The following COX7A2L variants were observed in gnomAD, a reference collection of about 807,000 sequenced individuals.
COX7A2L encodes cytochrome c oxidase subunit 7A2 like.
COX7A2L carries 18 observed loss-of-function variants against 14.2 expected under a neutral mutation model. The observed-to-expected ratio is 1.27, with a 90% CI of 0.88 to 1.88. COX7A2L has a LOEUF of 1.88. Among genes scored for constraint, COX7A2L ranks in the 40% most tolerant of loss-of-function variants. The pLI, the probability that COX7A2L is intolerant of heterozygous loss-of-function variation, is 0.00. For missense variants in COX7A2L, 179 were observed against 138.8 expected, an observed-to-expected ratio of 1.29 and a Z score of -1.46; for synonymous variants, 65 against 57.4, an observed-to-expected ratio of 1.13 and a Z score of -0.60.
At chr2:42,357,793 T>A (rs1171608335) in intron 1 of COX7A2L, among the ~76,000 whole-genome samples, 1 of 152,170 alleles carries the variant, frequency 6.6e-6, no homozygotes, top group Non-Finnish European at 1.5e-5. Flanking sequence ...ATCTGTCTCA[T>A]CTGAAAGGAC....
At chr2:42,340,774 G>A (rs1221255481) in intron 2 of COX7A2L, among the ~76,000 whole-genome samples, 1 of 152,196 alleles carries the variant, frequency 6.6e-6, no homozygotes, top group African/African-American at 2.4e-5. Context: ...CCTGCACTGG[G>A]CCGCTCCACT....
intron 1 of COX7A2L, chr2:42,359,359 C>G (rs1670941547): frequency 6.6e-6 from 1 of 152,200 alleles, no homozygotes; most frequent in African/African-American, 2.4e-5. Flanking sequence ...TACAAGGGAA[C>G]TTCCTGGGAT....
chr2:42,353,326 A>C lies in COX7A2L; in HGVS notation c.90T>G (p.Val30=), dbSNP rs768471861. Residue 30 remains valine, a synonymous_variant, in exon 2 of 3, where the codon GTT becomes GTG. Coordinates refer to ENST00000234301, the MANE Select transcript of COX7A2L (RefSeq NM_004718.4). Reference sequence around the variant, plus strand: ...ATATGATAGGTGGTGCTTCTGTGGAAACCACAGGCTTTAATCCCTGTAGAG... The same window carrying C: ...ATATGATAGGTGGTGCTTCTGTGGACACCACAGGCTTTAATCCCTGTAGAG... ...AYSPQGLKPV[V]STEAPPIIFA... The C allele has an allele frequency of 2.5e-6, 4 of 1,613,812 alleles. No homozygotes were observed. The highest frequency in any genetic ancestry group is 4.5e-5 in the East Asian group (2 of 44,898).
chr2:42,365,007 A>T (rs971014090), upstream of COX7A2L, among the ~76,000 whole-genome samples: 6 of 152,226 alleles, frequency 3.9e-5, no homozygotes, highest in African/African-American at 1.4e-4. Flanking sequence ...TTGACACATC[A>T]CATTTCATCT....
chr2:42,358,885 A>T (rs184513996), intron 1 of COX7A2L, among the ~76,000 whole-genome samples: 1 of 152,294 alleles, frequency 6.6e-6, no homozygotes, highest in Non-Finnish European at 1.5e-5. Context: ...AACCCCAGCC[A>T]CTCAGGGGGC....
At chr2:42,356,695 G>C (rs1010615105) in intron 1 of COX7A2L, among the ~76,000 whole-genome samples, 7 of 152,228 alleles carry the variant, frequency 4.6e-5, no homozygotes, top group Admixed American at 6.5e-5. Context: ...GGGAGGCTGA[G>C]GTGGGAGAAT....
upstream of COX7A2L, among the ~76,000 whole-genome samples, chr2:42,364,770 A>C (rs1046463128): frequency 2.0e-5 from 3 of 152,220 alleles, no homozygotes; most frequent in African/African-American, 7.2e-5. Context: ...TGAGGGTCTG[A>C]ATGGCTCATT....
chr2:42,354,042 C>T (rs542901386), intron 1 of COX7A2L, among the ~76,000 whole-genome samples: 2 of 152,032 alleles, frequency 1.3e-5, no homozygotes, highest in Non-Finnish European at 1.5e-5. Context: ...AAGAGGGAAC[C>T]GCAGAGACAG....
intron 1 of COX7A2L, among the ~76,000 whole-genome samples, chr2:42,366,628 G>A (rs1420356912): frequency 6.6e-6 from 1 of 152,184 alleles, no homozygotes; most frequent in African/African-American, 2.4e-5. Flanking sequence ...TAAATACCTG[G>A]AAGTCTATAT....
intron 2 of COX7A2L, among the ~76,000 whole-genome samples, chr2:42,341,921 A>G (rs1670409886): frequency 6.6e-6 from 1 of 152,136 alleles, no homozygotes; most frequent in Non-Finnish European, 1.5e-5. Flanking sequence ...ATCAAACACC[A>G]CTGAACTTTG....
chr2:42,353,060 T>G, intron 2 of COX7A2L, 152 bp downstream of exon 2: 1 of 916,520 alleles, frequency 1.1e-6, no homozygotes, highest in Non-Finnish European at 1.6e-6. Flanking sequence ...TAAAGTTCTA[T>G]TCGTTTATGG....
Position 42,340,881 on chromosome 2 carries a change from T to A in COX7A2L, c.193-7012A>T, listed in dbSNP as rs1040072646. 2.0e-5 allele frequency among the ~76,000 whole-genome samples: 3 copies of A among 152,138 alleles called. No individual in the cohort carries two copies. In the East Asian group the frequency reaches 5.8e-4, roughly 29 times the overall value. ...ACTGCGCAGCACACTGCAGAAGGAA[T>A]GATTTGTGCTTCAAGAGCTACTGAT... On this transcript the variant is annotated intron_variant, in intron 2 of 2. Coordinates refer to the COX7A2L transcript ENST00000468711.
chr2:42,363,002 G>A (rs370337488), upstream of COX7A2L, among the ~76,000 whole-genome samples: 39 of 151,662 alleles, frequency 2.6e-4, no homozygotes, highest in East Asian at 4.1e-3. Flanking sequence ...AGTCTCCCGG[G>A]TAGCTGGAAC....
chr2:42,340,392 G>T (rs1476621260), intron 2 of COX7A2L, among the ~76,000 whole-genome samples: 2 of 152,180 alleles, frequency 1.3e-5, no homozygotes, highest in South Asian at 2.1e-4. Flanking sequence ...ATTGTTGTAA[G>T]TCTTTTTCCT....
Position 42,361,203 on chromosome 2 carries a change from C to A in COX7A2L, c.-42G>T, listed in dbSNP as rs1434737668. The stretch of plus-strand genomic sequence containing the variant: ...CTTCCCGCATCCGCTGCCAACGCGA[C>A]CGCCCCAGAGAAGGACCCCGCCTCC... On this transcript the variant is annotated 5_prime_UTR_variant, in exon 1 of 3. Transcript: ENST00000234301. 6.4e-7 allele frequency: 1 copy of A among 1,561,328 alleles called. No homozygotes were observed.
chr2:42,368,729 A>T (rs1461209724), intron 1 of COX7A2L: 1 of 152,260 alleles, frequency 6.6e-6, no homozygotes, highest in Non-Finnish European at 1.5e-5. Flanking sequence ...TGCAGCAGTT[A>T]CTGTTATTAC....
chr2:42,341,204 G>C (rs529475367), intron 2 of COX7A2L, among the ~76,000 whole-genome samples: 3 of 152,112 alleles, frequency 2.0e-5, no homozygotes, highest in African/African-American at 7.2e-5. Flanking sequence ...AGACAGGAGC[G>C]TGGAATGCTG....
upstream of COX7A2L, among the ~76,000 whole-genome samples, chr2:42,365,346 G>T (rs1344305621): frequency 6.6e-6 from 1 of 152,176 alleles, no homozygotes; most frequent in Non-Finnish European, 1.5e-5. Flanking sequence ...TACAAAGTCG[G>T]TTGGGCACGG....
upstream of COX7A2L, among the ~76,000 whole-genome samples, chr2:42,362,769 T>C (rs1671086594): frequency 1.3e-5 from 2 of 152,086 alleles, no homozygotes; most frequent in Non-Finnish European, 2.9e-5. Context: ...TTGCCACTTT[T>C]ACAAAGAGAC....
Sources: gnomAD v4.1 joint callset for allele counts (sites outside exome capture counted in the v4.1 genomes callset) on GRCh38, gnomAD v4.1.1 for gene constraint, MANE v1.5 for transcripts, NCBI Gene and HGNC (gene_info 2026-07-23, HGNC 2026-07-21) for gene names.